Variants in TNRC6B observed in about 807,000 individuals in gnomAD.
TNRC6B encodes trinucleotide repeat-containing gene 6B protein.
A neutral mutation model predicts 203.6 loss-of-function variants in TNRC6B; 52 were observed. The observed-to-expected ratio is 0.26, with a 90% CI of 0.20 to 0.32. The LOEUF (loss-of-function observed/expected upper bound fraction) is 0.32. Ranked by LOEUF, TNRC6B falls within the 10% of genes least tolerant of loss-of-function variation. The probability of loss-of-function intolerance (pLI) is 1.00; values close to 1 mark genes in which losing one functional copy is unlikely to be tolerated. For synonymous variants in TNRC6B, 838 were observed against 845.7 expected (o/e 0.99, Z 0.16); for missense variants, 1,923 against 2,286.2 (o/e 0.84, Z 3.24).
intron 3 of TNRC6B, among the ~76,000 whole-genome samples, chr22:40,141,276 A>G (rs1437435839): frequency 5.0e-5 from 7 of 140,758 alleles, no homozygotes; most frequent in African/African-American, 1.1e-4. Flanking sequence ...CACAATCTCA[A>G]CTCACTGCAA....
chr22:40,227,272 A>T (rs993152881), intron 1 of TNRC6B, among the ~76,000 whole-genome samples: 1 of 150,170 alleles, frequency 6.7e-6, no homozygotes, highest in Non-Finnish European at 1.5e-5. Flanking sequence ...CATGTTGCCC[A>T]GGCTGGGTGC....
At chr22:40,135,501 A>T (rs1027965608) in intron 3 of TNRC6B, among the ~76,000 whole-genome samples, 10 of 151,618 alleles carry the variant, frequency 6.6e-5, no homozygotes, top group Non-Finnish European at 8.8e-5. Context: ...GAAGTAGCAA[A>T]TTTTTTTTTG....
intron 4 of TNRC6B, among the ~76,000 whole-genome samples, chr22:40,172,018 C>T (rs1014151581): frequency 2.4e-5 from 3 of 127,462 alleles, no homozygotes; most frequent in Non-Finnish European, 4.8e-5. Flanking sequence ...ACCACCATGC[C>T]CAGCTAATTT....
chr22:40,276,174 C>T (rs2070641215), intron 7 of TNRC6B, among the ~76,000 whole-genome samples: 1 of 151,898 alleles, frequency 6.6e-6, no homozygotes, highest in Admixed American at 6.6e-5. Flanking sequence ...GGTTAAACCC[C>T]ATCTCTACTA....
At chr22:40,319,514 C>T (rs1165320427) in intron 21 of TNRC6B, among the ~76,000 whole-genome samples, 1 of 151,526 alleles carries the variant, frequency 6.6e-6, no homozygotes, top group Non-Finnish European at 1.5e-5. Flanking sequence ...CAAGCTCCGC[C>T]TCCCGGGTTA....
chr22:40,319,422 C>CTT (rs374148213), intron 21 of TNRC6B, among the ~76,000 whole-genome samples: 67 of 112,724 alleles, frequency 5.9e-4, no homozygotes, highest in African/African-American at 1.1e-3. Flanking sequence ...CTTTTCTTTT[C>CTT]TTTTTTTTTT....
At chr22:40,051,819 C>T (rs2067747804) in intron 1 of TNRC6B, among the ~76,000 whole-genome samples, 1 of 152,122 alleles carries the variant, frequency 6.6e-6, no homozygotes, top group Admixed American at 6.5e-5. Context: ...ATTTTATTGA[C>T]TTCAGTATAT....
chr22:40,176,561 A>C (rs2069063283), upstream of TNRC6B, among the ~76,000 whole-genome samples: 1 of 151,966 alleles, frequency 6.6e-6, no homozygotes, highest in African/African-American at 2.4e-5. Context: ...ATTTCCTCCT[A>C]CTCAGCCCAG....
chr22:40,119,378 G>A (rs2068422259), intron 2 of TNRC6B, among the ~76,000 whole-genome samples: 1 of 152,228 alleles, frequency 6.6e-6, no homozygotes, highest in African/African-American at 2.4e-5. Flanking sequence ...GAGGTCAGGA[G>A]TTCCAGACCA....
chr22:40,143,710 A>C (rs551514448), intron 3 of TNRC6B, among the ~76,000 whole-genome samples: 14 of 152,090 alleles, frequency 9.2e-5, no homozygotes, highest in African/African-American at 1.9e-4. Flanking sequence ...GTTAGCCAGG[A>C]TGGTCTCGAT....
At chr22:40,102,671 C>T (rs892387953) in intron 1 of TNRC6B, among the ~76,000 whole-genome samples, 2 of 152,130 alleles carry the variant, frequency 1.3e-5, no homozygotes, top group African/African-American at 4.8e-5. Context: ...GTTGTGGTAG[C>T]TCACACCTAG....
Position 40,193,644 on chromosome 22 carries a change from A to G in TNRC6B, c.5+15504A>G, listed in dbSNP as rs572707727. ...TGGGGAGAAAAATCTCCCCGCAGAGAAGAGACCTGAGGCATGGGGAGAGAT... is the reference window on the plus strand; with the variant it reads ...TGGGGAGAAAAATCTCCCCGCAGAGGAGAGACCTGAGGCATGGGGAGAGAT... On this transcript the variant is annotated intron_variant, in intron 1 of 22. Coordinates refer to ENST00000454349, the MANE Select transcript of TNRC6B (RefSeq NM_001162501.2). Among the ~76,000 whole-genome samples the G allele has an allele frequency of 2.6e-5, 4 of 152,280 alleles. No homozygotes were observed. The South Asian group carries it at 8.3e-4, about 32-fold the overall frequency.
At chr22:40,299,122 GTGACAGAGTGAGACCCT>G (rs2070985932) in intron 12 of TNRC6B, among the ~76,000 whole-genome samples, 1 of 146,264 alleles carries the variant, frequency 6.8e-6, no homozygotes, top group South Asian at 2.2e-4. Context: ...TCCAGCCTGG[GTGACAGAGTGAGACCCT>G]GTCTCAAAAA....
At chr22:40,261,295 T>C (rs1055864775) in intron 3 of TNRC6B, among the ~76,000 whole-genome samples, 8 of 150,354 alleles carry the variant, frequency 5.3e-5, no homozygotes, top group Admixed American at 1.3e-4. Context: ...AAATAAAAAA[T>C]AGGCTGGGTG....
intron 1 of TNRC6B, among the ~76,000 whole-genome samples, chr22:40,243,610 A>T (rs1359486151): frequency 6.6e-6 from 1 of 151,768 alleles, no homozygotes; most frequent in African/African-American, 2.4e-5. Flanking sequence ...TCATTTATTT[A>T]TTTTGCTCTT....
chr22:40,177,825 G>A, upstream of TNRC6B: 3 of 1,301,198 alleles, frequency 2.3e-6, no homozygotes, highest in Non-Finnish European at 2.9e-6. Context: ...CCCCTTTAAG[G>A]CAGTCTCAGC....
At chr22:40,321,350 G>A (rs1002028299) in intron 22 of TNRC6B, 121 bp downstream of exon 22, 10 of 1,204,756 alleles carry the variant, frequency 8.3e-6, no homozygotes, top group African/African-American at 1.5e-5. Context: ...ACCGTCACAC[G>A]TGCATCTGCA....
intron 7 of TNRC6B, among the ~76,000 whole-genome samples, chr22:40,274,833 A>AC (rs2070616636): frequency 6.6e-6 from 1 of 152,194 alleles, no homozygotes; most frequent in African/African-American, 2.4e-5. Flanking sequence ...TCAATCTAGA[A>AC]CAGTAGTCTT....
intron 5 of TNRC6B, 87 bp from the exon 6 acceptor site, chr22:40,270,035 A>T (rs2070537171): frequency 3.8e-6 from 5 of 1,324,568 alleles, no homozygotes; most frequent in Non-Finnish European, 5.2e-6. Flanking sequence ...GAATATAGGC[A>T]TGCCTGTTCC....
Sources: gnomAD v4.1 joint callset for allele counts (sites outside exome capture counted in the v4.1 genomes callset) on GRCh38, gnomAD v4.1.1 for gene constraint, MANE v1.5 for transcripts, NCBI Gene and HGNC (gene_info 2026-07-23, HGNC 2026-07-21) for gene names.